CLYBL: variants seen among roughly 807,000 people sequenced by gnomAD.
CLYBL encodes citramalyl-CoA lyase, also known as citramalyl-CoA lyase, mitochondrial.
A neutral mutation model predicts 38.9 loss-of-function variants in CLYBL; 31 were observed. The ratio of observed to expected loss-of-function variants is 0.80; its 90% CI spans 0.60 to 1.08. CLYBL has a LOEUF of 1.08. Ranked by LOEUF, CLYBL falls within the 50% of genes least tolerant of loss-of-function variation. The pLI is 0.00. For missense variants in CLYBL, 434 were observed against 411.6 expected, an observed-to-expected ratio of 1.05 and a Z score of -0.47; for synonymous variants, 171 against 158.6, an observed-to-expected ratio of 1.08 and a Z score of -0.59.
intron 8 of CLYBL, among the ~76,000 whole-genome samples, chr13:99,903,133 C>T (rs147666294): frequency 3.0e-4 from 45 of 152,332 alleles, no homozygotes; most frequent in African/African-American, 1.1e-3. Flanking sequence ...GCCTCGATTT[C>T]ATAACAAGAA....
At chr13:99,731,803 T>C (rs1271660466) in intron 1 of CLYBL, among the ~76,000 whole-genome samples, 1 of 152,080 alleles carries the variant, frequency 6.6e-6, no homozygotes, top group African/African-American at 2.4e-5. Context: ...TTAACCTCTT[T>C]GTTTCTAGCC....
At chr13:99,651,458 T>C (rs1345465858) in intron 1 of CLYBL, among the ~76,000 whole-genome samples, 1 of 152,132 alleles carries the variant, frequency 6.6e-6, no homozygotes, top group African/African-American at 2.4e-5. Flanking sequence ...TAATCCCAGC[T>C]ACTTGGGAGG....
At chr13:99,658,008 T>A (rs1381639061) in intron 1 of CLYBL, among the ~76,000 whole-genome samples, 1 of 152,228 alleles carries the variant, frequency 6.6e-6, no homozygotes, top group Non-Finnish European at 1.5e-5. Context: ...CGGAGTTTCC[T>A]GCTATTGACC....
At chr13:99,614,423 AGGGGACATGCCTG>A (rs1182899612) in intron 1 of CLYBL, among the ~76,000 whole-genome samples, 3 of 152,166 alleles carry the variant, frequency 2.0e-5, no homozygotes, top group Non-Finnish European at 2.9e-5. Flanking sequence ...GCCTAGGGGT[AGGGGACATGCCTG>A]GGCTGGACAG....
At chr13:99,831,098 G>A (rs1188485687) in intron 2 of CLYBL, among the ~76,000 whole-genome samples, 2 of 152,194 alleles carry the variant, frequency 1.3e-5, no homozygotes, top group Non-Finnish European at 2.9e-5. Context: ...GCAGGGGTTG[G>A]GTGGCGGCAG....
intron 1 of CLYBL, among the ~76,000 whole-genome samples, chr13:99,739,778 C>G (rs1030346438): frequency 6.6e-6 from 1 of 152,126 alleles, no homozygotes; most frequent in South Asian, 2.1e-4. Context: ...GTTCCAAGAC[C>G]AGCCTAACCA....
In CLYBL at chr13:99,869,446, T is replaced by C. The variant is rs2139244108; in HGVS notation, c.803-1492T>C. 6.6e-6 allele frequency among the ~76,000 whole-genome samples: 1 copy of C among 152,248 alleles called. No individual in the cohort carries two copies. Among genetic ancestry groups the C allele is most frequent in the South Asian group, 2.1e-4 (1 of 4,826 alleles). On this transcript the variant is annotated intron_variant, in intron 6 of 8. Coordinates refer to ENST00000339105, the MANE Select transcript of CLYBL (RefSeq NM_206808.5). This position sits in a 1 kb window ranked among gnomAD's most constrained non-coding sequence, Gnocchi z 4.3. ...ATTACTTAAATATAATCTCGATACCTACTACCGAAAAAAGCCCTCTTGTCA... is the reference window on the plus strand; with the variant it reads ...ATTACTTAAATATAATCTCGATACCCACTACCGAAAAAAGCCCTCTTGTCA...
At chr13:99,801,507 A>C (rs1024796041) in intron 2 of CLYBL, among the ~76,000 whole-genome samples, 2 of 146,530 alleles carry the variant, frequency 1.4e-5, no homozygotes, top group Admixed American at 1.4e-4. Context: ...AAAGTTTTGG[A>C]AAAGAAAGTA....
chr13:99,824,260 C>CCT (rs995905676), intron 2 of CLYBL, among the ~76,000 whole-genome samples: 2 of 117,118 alleles, frequency 1.7e-5, no homozygotes, highest in African/African-American at 6.5e-5. Flanking sequence ...ACTAATAGCC[C>CCT]CCCCCACCCA....
intron 3 of CLYBL, among the ~76,000 whole-genome samples, chr13:99,861,789 AG>A (rs1187689353): frequency 2.0e-5 from 3 of 152,132 alleles, no homozygotes; most frequent in East Asian, 1.9e-4. Flanking sequence ...TAGATTTTTT[AG>A]GGGGGTGGTG....
intron 1 of CLYBL, among the ~76,000 whole-genome samples, chr13:99,609,727 T>G (rs1329346297): frequency 6.6e-6 from 1 of 151,466 alleles, no homozygotes; most frequent in Non-Finnish European, 1.5e-5. Flanking sequence ...TTTGTAGAAA[T>G]CAGGTTTCGC....
At chr13:99,701,061 C>T (rs2139458388) in intron 1 of CLYBL, among the ~76,000 whole-genome samples, 1 of 152,262 alleles carries the variant, frequency 6.6e-6, no homozygotes, top group South Asian at 2.1e-4. Flanking sequence ...GGCCGGTTGT[C>T]ACTTCATCCC....
chr13:99,647,334 G>A (rs1457908685), intron 1 of CLYBL, among the ~76,000 whole-genome samples: 3 of 152,138 alleles, frequency 2.0e-5, no homozygotes, highest in Admixed American at 6.6e-5. Flanking sequence ...GTGTGGCTCT[G>A]AAAAACCTTC....
At chr13:99,618,212 T>A (rs2046742585) in intron 1 of CLYBL, among the ~76,000 whole-genome samples, 1 of 152,162 alleles carries the variant, frequency 6.6e-6, no homozygotes, top group South Asian at 2.1e-4. Context: ...TGAGTGTTTC[T>A]AAAGATTTAG....
chr13:99,680,847 A>T (rs922146024), intron 1 of CLYBL, among the ~76,000 whole-genome samples: 2 of 152,220 alleles, frequency 1.3e-5, no homozygotes, highest in African/African-American at 4.8e-5. Context: ...AAACCTTAGT[A>T]GCATTAGCAT....
At chr13:99,786,164 G>A (rs1183409972) in intron 2 of CLYBL, among the ~76,000 whole-genome samples, 2 of 143,940 alleles carry the variant, frequency 1.4e-5, no homozygotes, top group East Asian at 4.1e-4. Flanking sequence ...TGGAGGTGGA[G>A]TTCATAATTG....
intron 1 of CLYBL, among the ~76,000 whole-genome samples, chr13:99,719,606 A>T (rs1157111127): frequency 6.6e-6 from 1 of 152,110 alleles, no homozygotes; most frequent in African/African-American, 2.4e-5. Context: ...TCCTGGGTTC[A>T]AGCGATTCTC....
chr13:99,870,472 T>A (rs189575847), intron 6 of CLYBL, among the ~76,000 whole-genome samples: 1 of 152,200 alleles, frequency 6.6e-6, no homozygotes, highest in Non-Finnish European at 1.5e-5. Flanking sequence ...AGCAGACCAT[T>A]TCTAAGAGAA....
chr13:99,862,677 A>T (rs1165527033), intron 3 of CLYBL, among the ~76,000 whole-genome samples: 1 of 152,198 alleles, frequency 6.6e-6, no homozygotes, highest in East Asian at 1.9e-4. Flanking sequence ...CGAGGGCAAG[A>T]GGTCTTAAGT....
Sources: allele counts gnomAD v4.1 joint callset (sites outside exome capture counted in the v4.1 genomes callset), GRCh38; gene constraint gnomAD v4.1.1; non-coding constraint Gnocchi (gnomAD v3.1); transcripts MANE v1.5; gene names NCBI Gene and HGNC (gene_info 2026-07-23, HGNC 2026-07-21).